CLDN16: variants seen among roughly 807,000 people sequenced by gnomAD.
CLDN16 encodes the protein claudin 16, also known as claudin-16.
In CLDN16, 13 loss-of-function variants were observed where a neutral mutation model predicts 24.6. The ratio of observed to expected loss-of-function variants is 0.53; its 90% CI spans 0.34 to 0.84. The LOEUF (loss-of-function observed/expected upper bound fraction) is 0.84, where lower values mean the gene tolerates loss of function less well. CLDN16 is among the 40% of genes least tolerant of loss of function. CLDN16 has a pLI of 0.01. For synonymous variants in CLDN16, 116 were observed against 106.7 expected, an observed-to-expected ratio of 1.09 and a Z score of -0.54; for missense variants, 298 against 292.7, an observed-to-expected ratio of 1.02 and a Z score of -0.13.
chr3:190,322,713 T>C lies in CLDN16; in HGVS notation n.121+52T>C, dbSNP rs1044651718. 6 of 203,956 alleles carry C rather than the reference T, an allele frequency of 2.9e-5. No individual in the cohort carries two copies. The South Asian group carries it at 4.9e-4, about 17-fold the overall frequency. The allele number at this position is 203,956 out of a possible 1,614,324, so 12.6% of individuals were successfully genotyped here. A position where few individuals can be genotyped will look rare whatever the true frequency, so the allele number is the denominator to read the frequency against. On this transcript the variant is annotated intron_variant and non_coding_transcript_variant, in intron 1 of 4. Transcript: ENST00000468220. ...TTCACTCCAATTATCCAAAAATTAC[T>C]ATGCACTGTACTTGTAAATCCTAAC...
At chr3:190,344,810 G>T (rs1179505667) in intron 1 of CLDN16, among the ~76,000 whole-genome samples, 1 of 152,046 alleles carries the variant, frequency 6.6e-6, no homozygotes, top group Non-Finnish European at 1.5e-5. Flanking sequence ...TGTAAAAGGG[G>T]GTCTTCTTGC....
At chr3:190,372,515 A>G (rs922028252) in intron 2 of CLDN16, among the ~76,000 whole-genome samples, 2 of 151,864 alleles carry the variant, frequency 1.3e-5, no homozygotes, top group South Asian at 4.2e-4. Flanking sequence ...CTTGTCGCAC[A>G]CACCTGTAGT....
chr3:190,334,656 G>A (rs1439085134), intron 1 of CLDN16, among the ~76,000 whole-genome samples: 9 of 152,248 alleles, frequency 5.9e-5, no homozygotes. Flanking sequence ...AGTGAAACTG[G>A]AATGGTAGAT....
At chr3:190,385,618 CAT>C (rs1437385763), upstream of CLDN16, among the ~76,000 whole-genome samples, 2 of 151,530 alleles carry the variant, frequency 1.3e-5, no homozygotes, top group Non-Finnish European at 2.9e-5. Flanking sequence ...TATGTATGCA[CAT>C]GTGTGTGTTT....
chr3:190,387,984 T>C (rs534883127), upstream of CLDN16: 613 of 785,156 alleles, frequency 7.8e-4, 1 homozygote, highest in Non-Finnish European at 1.0e-3. Context: ...GTCTTGGCAC[T>C]GGCACTTGGT....
Position 190,409,949 on chromosome 3 carries a change from TTCAGCCG to T in CLDN16, c.622_628del (p.Ser208ArgfsTer22). Reference sequence around the variant, plus strand: ...ATCCTTATTCCTTGAGGAAAGCCTATTCAGCCGCGGGTGTTTCCATGGCCAAGTCATA... The same window carrying T: ...ATCCTTATTCCTTGAGGAAAGCCTATCGGGTGTTTCCATGGCCAAGTCATA... On this transcript the variant is annotated frameshift_variant, in exon 5 of 5. Coordinates refer to ENST00000264734, the MANE Select transcript of CLDN16 (RefSeq NM_006580.4). LOFTEE classifies it high-confidence loss of function. 6.2e-7 allele frequency: 1 copy of T among 1,614,088 alleles called. No homozygotes were observed. Among genetic ancestry groups the T allele is most frequent in the Non-Finnish European group, 8.5e-7 (1 of 1,179,956 alleles).
chr3:190,373,444 T>A (rs1053296903), intron 2 of CLDN16, among the ~76,000 whole-genome samples: 1 of 152,038 alleles, frequency 6.6e-6, no homozygotes, highest in Non-Finnish European at 1.5e-5. Flanking sequence ...CAAATACATT[T>A]GTTCTCTGAT....
intron 1 of CLDN16, among the ~76,000 whole-genome samples, chr3:190,364,753 T>C (rs1385272668): frequency 6.6e-6 from 1 of 151,860 alleles, no homozygotes; most frequent in Non-Finnish European, 1.5e-5. Context: ...GTCTTGAATG[T>C]CACTTTGTAA....
intron 1 of CLDN16, among the ~76,000 whole-genome samples, chr3:190,324,191 C>T (rs1291309328): frequency 3.9e-5 from 6 of 152,154 alleles, no homozygotes; most frequent in Admixed American, 6.5e-5. Flanking sequence ...CACCCGGGCA[C>T]GGTGGCTCAG....
In CLDN16 at chr3:190,345,133, A is replaced by G. The variant is rs555699787; in HGVS notation, n.121+22472A>G. Among the ~76,000 whole-genome samples the G allele has an allele frequency of 1.1e-3, 164 of 152,268 alleles. 1 individual carries two copies. The highest frequency in any genetic ancestry group is 2.1e-3 in the Non-Finnish European group (141 of 68,022). ...AGTGCTGCTAGTGAACTCTGTATTA[A>G]GCTACAGTTTAAGTTCCTGGTTCTT... On this transcript the variant is annotated intron_variant and non_coding_transcript_variant, in intron 1 of 4. Transcript: ENST00000468220.
the CLDN16 span, among the ~76,000 whole-genome samples, chr3:190,304,808 G>T: frequency 6.6e-6 from 1 of 152,106 alleles, no homozygotes; most frequent in East Asian, 1.9e-4. Context: ...GAAAAAGGTG[G>T]GAATATGGGG....
At chr3:190,358,066 C>A (rs1717813993) in intron 1 of CLDN16, among the ~76,000 whole-genome samples, 1 of 151,678 alleles carries the variant, frequency 6.6e-6, no homozygotes, top group Admixed American at 6.6e-5. Flanking sequence ...GACTGACTGG[C>A]ACGTATTGGT....
chr3:190,394,618 A>G (rs558592788), intron 1 of CLDN16, among the ~76,000 whole-genome samples: 2 of 152,264 alleles, frequency 1.3e-5, no homozygotes, highest in South Asian at 4.1e-4. Flanking sequence ...TGATTTCCTA[A>G]GTACCTAGCA....
intron 1 of CLDN16, among the ~76,000 whole-genome samples, chr3:190,395,630 G>A (rs183839270): frequency 6.6e-6 from 1 of 152,088 alleles, no homozygotes; most frequent in East Asian, 1.9e-4. Context: ...TATCTAAGTA[G>A]GAAAGTCACA....
At chr3:190,322,327 G>T (rs895866023), upstream of CLDN16, 28 of 897,554 alleles carry the variant, frequency 3.1e-5, no homozygotes, top group Non-Finnish European at 4.4e-5. Flanking sequence ...AAGGCGGGGA[G>T]CCCTGCTCGC....
At chr3:190,386,067 C>T (rs749036833), upstream of CLDN16, among the ~76,000 whole-genome samples, 1 of 152,072 alleles carries the variant, frequency 6.6e-6, no homozygotes, top group Non-Finnish European at 1.5e-5. Context: ...TGAAAAGTCC[C>T]TGTGTGAAAT....
At chr3:190,365,415 T>C (rs1718000391) in intron 1 of CLDN16, among the ~76,000 whole-genome samples, 3 of 151,648 alleles carry the variant, frequency 2.0e-5, no homozygotes, top group East Asian at 2.0e-4. Context: ...AGAATATAGT[T>C]GGATGGTGGG....
At position 190,345,977 on chromosome 3, in the gene CLDN16, A is replaced by G. The variant is rs117634547; in HGVS notation, n.121+23316A>G. 4.2e-3 allele frequency among the ~76,000 whole-genome samples: 637 copies of G among 152,280 alleles called. 12 individuals carry two copies. Among genetic ancestry groups the G allele is most frequent in the Admixed American group, 0.034 (514 of 15,292 alleles). ...CCAGGGACTGGACTAAACCCAAATA[A>G]CAAGACTCTTGTAACCAGTCCTTTT... On this transcript the variant is annotated intron_variant and non_coding_transcript_variant, in intron 1 of 4. Coordinates refer to the CLDN16 transcript ENST00000468220.
intron 1 of CLDN16, among the ~76,000 whole-genome samples, chr3:190,355,079 A>T (rs1313616359): frequency 6.6e-6 from 1 of 151,994 alleles, no homozygotes; most frequent in Non-Finnish European, 1.5e-5. Context: ...CTAACACACA[A>T]AAAGCATTTC....
Sources: allele counts gnomAD v4.1 joint callset (sites outside exome capture counted in the v4.1 genomes callset), GRCh38; gene constraint gnomAD v4.1.1; transcripts MANE v1.5; gene names NCBI Gene and HGNC (gene_info 2026-07-23, HGNC 2026-07-21).